PDE4C: variants seen among roughly 807,000 people sequenced by gnomAD.
PDE4C encodes phosphodiesterase 4C, also known as 3',5'-cyclic-AMP phosphodiesterase 4C.
PDE4C carries 50 observed loss-of-function variants against 63.9 expected under a neutral mutation model. The observed-to-expected ratio is 0.78, with a 90% confidence interval of 0.62 to 0.99. PDE4C has a LOEUF of 0.99. Among genes scored for constraint, PDE4C ranks in the 50% least tolerant of loss-of-function variants. PDE4C has a pLI of 0.00. For missense variants in PDE4C, 777 were observed against 899.1 expected (o/e 0.86, Z 1.74); for synonymous variants, 377 against 385.1 (o/e 0.98, Z 0.25).
chr19:18,240,494 G>A (rs922576028), intron 1 of PDE4C, among the ~76,000 whole-genome samples: 2 of 151,016 alleles, frequency 1.3e-5, no homozygotes, highest in East Asian at 3.9e-4. Context: ...TTGGGAAGCC[G>A]AGGTGGATGG....
intron 4 of PDE4C, 60 bp downstream of exon 4, chr19:18,221,045 G>A: frequency 4.3e-6 from 3 of 692,486 alleles, no homozygotes; most frequent in East Asian, 3.0e-5. Flanking sequence ...TTTGCAGCCC[G>A]CTTTCCGCCC....
chr19:18,249,729 C>T (rs4808773), upstream of PDE4C, among the ~76,000 whole-genome samples: 89,567 of 151,838 alleles, frequency 0.59, 26,669 homozygotes, highest in Middle Eastern at 0.65. Context: ...CCTGCCACCA[C>T]GCTCAGCTAA....
upstream of PDE4C, chr19:18,251,959 C>A (rs1323499799): frequency 1.1e-4 from 44 of 397,538 alleles, no homozygotes; most frequent in Middle Eastern, 6.2e-4. Context: ...GAAGCCCTTC[C>A]TAGAGCATTC....
intron 1 of PDE4C, chr19:18,224,172 T>G: frequency 2.4e-5 from 23 of 957,282 alleles, no homozygotes; most frequent in African/African-American, 3.5e-5. Context: ...CTCCTCCTCT[T>G]TGGGGTCAGA....
At chr19:18,210,109 C>T (rs919042108), downstream of PDE4C, 2 of 152,520 alleles carry the variant, frequency 1.3e-5, no homozygotes, top group Admixed American at 6.5e-5. Context: ...CAGCCTCCAA[C>T]TCCTGGGCTC....
exon 1 of PDE4C, chr19:18,233,439 G>T (rs1431389601): frequency 5.8e-6 from 4 of 689,676 alleles, no homozygotes; most frequent in South Asian, 1.5e-5. Flanking sequence ...TGGTGAGGGG[G>T]TGTTGAAGCT....
upstream of PDE4C, among the ~76,000 whole-genome samples, chr19:18,249,298 A>AG (rs1337165372): frequency 6.6e-6 from 1 of 152,050 alleles, no homozygotes; most frequent in African/African-American, 2.4e-5. Flanking sequence ...GTTTTGAGAC[A>AG]GGGTCTCACT....
At chr19:18,210,855 T>C in exon 15 of PDE4C, 1 of 1,512,832 alleles carries the variant, frequency 6.6e-7, no homozygotes, top group Non-Finnish European at 8.8e-7. Context: ...TGGAGCCTCT[T>C]CCTGGAAAGT....
chr19:18,233,002 G>C, exon 1 of PDE4C: 1 of 1,514,574 alleles, frequency 6.6e-7, no homozygotes, highest in Non-Finnish European at 8.9e-7. Context: ...AGCTCCGGCC[G>C]CGGGCTCAGG....
intron 1 of PDE4C, among the ~76,000 whole-genome samples, chr19:18,245,098 G>C (rs918435105): frequency 1.3e-5 from 2 of 151,988 alleles, no homozygotes; most frequent in African/African-American, 4.8e-5. Context: ...GCCTCCCAAA[G>C]TGCTGGGATT....
chr19:18,221,024 C>T, intron 4 of PDE4C, 81 bp downstream of exon 4: 1 of 1,516,086 alleles, frequency 6.6e-7, no homozygotes, highest in Non-Finnish European at 8.9e-7. Flanking sequence ...GCGCCGGAGC[C>T]CCAGCCTCAA....
intron 1 of PDE4C, among the ~76,000 whole-genome samples, chr19:18,241,611 T>G (rs1969041692): frequency 6.6e-6 from 1 of 151,738 alleles, no homozygotes; most frequent in African/African-American, 2.4e-5. Context: ...CGTGCAGTGG[T>G]GCAGTCTTAA....
intron 12 of PDE4C, among the ~76,000 whole-genome samples, chr19:18,214,625 G>T (rs1600062397): frequency 6.6e-6 from 1 of 151,956 alleles, no homozygotes; most frequent in Non-Finnish European, 1.5e-5. Context: ...GTGCCCTGGA[G>T]GGCTATTTCT....
chr19:18,211,704 C>G, intron 14 of PDE4C, 55 bp downstream of exon 14: 1 of 1,595,756 alleles, frequency 6.3e-7, no homozygotes, highest in East Asian at 2.2e-5. Context: ...GTTGGCTCAG[C>G]CCCTCCTTTT....
exon 12 of PDE4C, chr19:18,216,781 G>A (rs758954948): frequency 1.2e-6 from 2 of 1,613,898 alleles, no homozygotes; most frequent in African/African-American, 2.7e-5. Flanking sequence ...TCGCTGCTTG[G>A]CGCTGAGGTT....
chr19:18,253,328 C>T, the PDE4C span, among the ~76,000 whole-genome samples: 38 of 152,142 alleles, frequency 2.5e-4, no homozygotes, highest in African/African-American at 8.9e-4. Context: ...GGCTGTAGTG[C>T]GCCATGATTG....
At chr19:18,247,341 G>A (rs556236897) in intron 1 of PDE4C, among the ~76,000 whole-genome samples, 77 of 152,186 alleles carry the variant, frequency 5.1e-4, no homozygotes, top group Non-Finnish European at 8.4e-4. Context: ...TGTCTCCCAG[G>A]CTGGAGTGCA....
chr19:18,231,342 G>T (rs1035799042), upstream of PDE4C, among the ~76,000 whole-genome samples: 1 of 152,252 alleles, frequency 6.6e-6, no homozygotes, highest in Non-Finnish European at 1.5e-5. Flanking sequence ...AGAGCCAAGC[G>T]GGGGCTTCCC....
At chr19:18,215,831 C>CT (rs756197005) in intron 12 of PDE4C, among the ~76,000 whole-genome samples, 9,321 of 127,740 alleles carry the variant, frequency 0.073, 399 homozygotes, top group Non-Finnish European at 0.092. Context: ...TTTTTCTTTT[C>CT]TTTTTTTTTT....
Sources: allele counts gnomAD v4.1 joint callset (sites outside exome capture counted in the v4.1 genomes callset), GRCh38; gene constraint gnomAD v4.1.1; transcripts MANE v1.5; gene names NCBI Gene and HGNC (gene_info 2026-07-23, HGNC 2026-07-21).